Variants in LARS2 observed in about 807,000 individuals in gnomAD.
LARS2 encodes leucine--tRNA ligase, mitochondrial.
Under a neutral mutation model 116.6 loss-of-function variants are expected in LARS2, and 81 were observed. That is an observed-to-expected ratio of 0.69 (90% CI 0.58 to 0.84). The LOEUF (loss-of-function observed/expected upper bound fraction) is 0.84. Among genes scored for constraint, LARS2 ranks in the 40% least tolerant of loss-of-function variants. The pLI is 0.00. For synonymous variants in LARS2, 396 were observed against 407.2 expected (o/e 0.97, Z 0.33); for missense variants, 968 against 1,114.5 (o/e 0.87, Z 1.87).
chr3:45,496,001 A>G (rs987735002), intron 13 of LARS2, among the ~76,000 whole-genome samples: 1 of 152,084 alleles, frequency 6.6e-6, no homozygotes, highest in Admixed American at 6.5e-5. Flanking sequence ...CTGGGACTAC[A>G]GGCACACGCC....
intron 13 of LARS2, 25 bp downstream of exon 13, chr3:45,491,825 G>T: frequency 1.2e-6 from 2 of 1,604,650 alleles, no homozygotes; most frequent in Non-Finnish European, 1.7e-6. Context: ...CCCTGCAGTG[G>T]TGACTGTGCC....
chr3:45,539,901 G>GTGA (rs1469835014), intron 20 of LARS2, among the ~76,000 whole-genome samples: 1 of 151,886 alleles, frequency 6.6e-6, no homozygotes, highest in Non-Finnish European at 1.5e-5. Flanking sequence ...GGTGGTGGTG[G>GTGA]TGTTTTGTAG....
rs568822815 is a variant in LARS2, at chr3:45,460,556, A to G, written c.750+1670A>G. On this transcript the variant is annotated intron_variant, in intron 8 of 21. Coordinates refer to ENST00000645846, the MANE Select transcript of LARS2 (RefSeq NM_015340.4). ...TGTTCAGTGGAAATGGTTAGTTACC[A>G]TGGTGACTCACCTGGTTCTTGCTGA... 3.9e-5 allele frequency among the ~76,000 whole-genome samples: 6 copies of G among 152,366 alleles called. No homozygotes were observed. The East Asian group carries it at 1.2e-3, about 29-fold the overall frequency.
Position 45,488,791 on chromosome 3 carries a change from G to A in LARS2, c.1218G>A (p.Glu406=). Residue 406 remains glutamate, a synonymous_variant, in exon 12 of 22, where the codon GAG becomes GAA. Coordinates refer to ENST00000645846, the MANE Select transcript of LARS2 (RefSeq NM_015340.4). ...EVIETLPDGT[E]RLSSSAEFTG... Reference sequence around the variant, plus strand: ...TTGAAACTTTGCCAGATGGCACAGAGAGACTGAGCAGCTCTGCTGAGGTTG... The same window carrying A: ...TTGAAACTTTGCCAGATGGCACAGAAAGACTGAGCAGCTCTGCTGAGGTTG... 1.2e-6 allele frequency: 2 copies of A among 1,611,392 alleles called. No homozygotes were observed. The highest frequency in any genetic ancestry group is 1.7e-6 in the Non-Finnish European group (2 of 1,177,476).
intron 8 of LARS2, among the ~76,000 whole-genome samples, chr3:45,462,577 A>G (rs1699348722): frequency 6.6e-6 from 1 of 152,236 alleles, no homozygotes; most frequent in Non-Finnish European, 1.5e-5. Flanking sequence ...TCCAGCTTCA[A>G]GGGAGACTAG....
chr3:45,519,663 T>TC, intron 18 of LARS2: 1 of 151,538 alleles, frequency 6.6e-6, no homozygotes, highest in Non-Finnish European at 1.5e-5. Flanking sequence ...ATTGCTTTTT[T>TC]TTTTGACAAA....
At chr3:45,506,224 G>A (rs189546006) in intron 15 of LARS2, among the ~76,000 whole-genome samples, 2 of 152,172 alleles carry the variant, frequency 1.3e-5, no homozygotes, top group East Asian at 3.9e-4. Flanking sequence ...CATCTTAACT[G>A]TTACTCAGTG....
Position 45,400,971 on chromosome 3 carries a change from G to A in LARS2, c.363+598G>A, listed in dbSNP as rs573587400. ...TGGGACTACAGGTGCCCACCACCACGCCTGGCTAATTTTTTGTATTTTTAG... is the reference window on the plus strand; with the variant it reads ...TGGGACTACAGGTGCCCACCACCACACCTGGCTAATTTTTTGTATTTTTAG... On this transcript the variant is annotated intron_variant, in intron 4 of 21. Coordinates refer to ENST00000645846, the MANE Select transcript of LARS2 (RefSeq NM_015340.4). 1.8e-4 allele frequency among the ~76,000 whole-genome samples: 28 copies of A among 151,736 alleles called. No individual in the cohort carries two copies. In the East Asian group the frequency reaches 4.5e-3, roughly 24 times the overall value.
chr3:45,502,779 T>C (rs1011172638), intron 15 of LARS2, among the ~76,000 whole-genome samples: 1 of 152,120 alleles, frequency 6.6e-6, no homozygotes, highest in African/African-American at 2.4e-5. Context: ...AACCCATTCT[T>C]TGAGTTTTTT....
At position 45,395,880 on chromosome 3, in the gene LARS2, T is replaced by C. The variant is rs139279474; in HGVS notation, c.234+1193T>C. ...AAATGAAAAAAAGGGAAGGTTTGAA[T>C]GTAATACATAATTTTACAATGAAAG... is the stretch of plus-strand genomic sequence containing the variant. On this transcript the variant is annotated intron_variant, in intron 3 of 21. Coordinates refer to ENST00000645846, the MANE Select transcript of LARS2 (RefSeq NM_015340.4). Among the ~76,000 whole-genome samples, 22 of 152,338 alleles carry C rather than the reference T, an allele frequency of 1.4e-4. No homozygotes were observed. In the East Asian group the frequency reaches 3.1e-3, roughly 21 times the overall value.
chr3:45,487,837 GGGTGAGTGAT>G (rs1392481010), intron 11 of LARS2, among the ~76,000 whole-genome samples: 1 of 152,048 alleles, frequency 6.6e-6, no homozygotes, highest in Non-Finnish European at 1.5e-5. Flanking sequence ...TGGCCCCCCT[GGGTGAGTGAT>G]TTATTAATGC....
intron 10 of LARS2, among the ~76,000 whole-genome samples, chr3:45,477,718 A>G (rs1437729354): frequency 1.3e-5 from 2 of 152,228 alleles, no homozygotes; most frequent in Non-Finnish European, 2.9e-5. Flanking sequence ...ATGAACTATA[A>G]ACTTCAACCC....
rs559316203 is a variant in LARS2 at position 45,463,843 on chromosome 3, G to A, written c.750+4957G>A. ...TCCTGCAAAAGAGTGCAGGGGAGAC[G>A]AGGAGGAGGAGGAGCCCCAGATCTG... is the stretch of plus-strand genomic sequence containing the variant. On this transcript the variant is annotated intron_variant, in intron 8 of 21. Transcript: ENST00000645846. Among the ~76,000 whole-genome samples, 25 of 152,182 alleles carry A rather than the reference G, an allele frequency of 1.6e-4. No individual in the cohort carries two copies. The South Asian group carries it at 1.9e-3, about 11-fold the overall frequency.
intron 6 of LARS2, among the ~76,000 whole-genome samples, chr3:45,423,410 T>C (rs1166833653): frequency 6.6e-6 from 1 of 152,120 alleles, no homozygotes; most frequent in Non-Finnish European, 1.5e-5. Flanking sequence ...CCTCCCAGGT[T>C]CAAGCGATTC....
At chr3:45,393,042 A>G (rs1445490933) in intron 2 of LARS2, among the ~76,000 whole-genome samples, 3 of 152,218 alleles carry the variant, frequency 2.0e-5, no homozygotes, top group African/African-American at 7.2e-5. Flanking sequence ...GAATAGCAAT[A>G]AAACATGAAA....
intron 7 of LARS2, among the ~76,000 whole-genome samples, chr3:45,450,013 G>T (rs1479070901): frequency 6.6e-6 from 1 of 152,192 alleles, no homozygotes; most frequent in Non-Finnish European, 1.5e-5. Flanking sequence ...CTACTTGGCA[G>T]AACATTAATT....
chr3:45,396,269 A>G (rs1374455941), intron 3 of LARS2, among the ~76,000 whole-genome samples: 1 of 152,248 alleles, frequency 6.6e-6, no homozygotes, highest in African/African-American at 2.4e-5. Context: ...CAGAGTGAGC[A>G]CTCAGTGAGT....
intron 21 of LARS2, among the ~76,000 whole-genome samples, chr3:45,546,794 C>G (rs983262418): frequency 6.6e-6 from 1 of 152,184 alleles, no homozygotes; most frequent in African/African-American, 2.4e-5. Flanking sequence ...ATTAATGTGA[C>G]AAGATGTGGC....
chr3:45,403,047 G>C (rs1698178928), intron 4 of LARS2, among the ~76,000 whole-genome samples: 2 of 145,228 alleles, frequency 1.4e-5, no homozygotes, highest in Admixed American at 1.4e-4. Flanking sequence ...AGAGGTTGCA[G>C]TGAGCCAAGA....
Sources: allele counts gnomAD v4.1 joint callset (sites outside exome capture counted in the v4.1 genomes callset), GRCh38; gene constraint gnomAD v4.1.1; transcripts MANE v1.5; gene names NCBI Gene and HGNC (gene_info 2026-07-23, HGNC 2026-07-21).